The following DCP2 variants were observed in gnomAD, a reference collection of about 807,000 sequenced individuals.
The protein encoded by DCP2 is decapping mRNA 2.
In DCP2, 30 loss-of-function variants were observed where a neutral mutation model predicts 56.1. That is an observed-to-expected ratio of 0.53 (90% CI 0.40 to 0.73). The LOEUF (loss-of-function observed/expected upper bound fraction) is 0.73, where lower values mean the gene tolerates loss of function less well. Ranked by LOEUF, DCP2 falls within the 30% of genes least tolerant of loss-of-function variation. The pLI is 0.00. For synonymous variants in DCP2, 197 were observed against 163.3 expected, an observed-to-expected ratio of 1.21 and a Z score of -1.57; for missense variants, 533 against 502.7, an observed-to-expected ratio of 1.06 and a Z score of -0.58.
At chr5:112,978,717 A>G (rs1412876196) in intron 1 of DCP2, among the ~76,000 whole-genome samples, 3 of 151,528 alleles carry the variant, frequency 2.0e-5, no homozygotes, top group Non-Finnish European at 4.4e-5. Context: ...ACTGAATTTG[A>G]TATGTGTATG....
chr5:113,008,790 T>C (rs1408446092), intron 9 of DCP2, among the ~76,000 whole-genome samples: 1 of 152,182 alleles, frequency 6.6e-6, no homozygotes, highest in South Asian at 2.1e-4. Flanking sequence ...TCTTAGTAGA[T>C]GATTAAAAGG....
intron 2 of DCP2, among the ~76,000 whole-genome samples, chr5:112,987,907 G>C (rs954372459): frequency 1.3e-5 from 2 of 151,888 alleles, no homozygotes; most frequent in African/African-American, 2.4e-5. Context: ...GGGATTATAG[G>C]TGCTACCGCA....
chr5:113,011,627 C>G (rs941383427), intron 10 of DCP2, among the ~76,000 whole-genome samples: 2 of 152,134 alleles, frequency 1.3e-5, no homozygotes, highest in Non-Finnish European at 2.9e-5. Flanking sequence ...CAAGATAATG[C>G]TATTTTGAAA....
In DCP2 at chr5:113,009,567, C is replaced by CA. The variant is rs758269260; in HGVS notation, c.1048-1185dup. Among the ~76,000 whole-genome samples the CA allele has an allele frequency of 7.2e-5, 11 of 152,276 alleles. No homozygotes were observed. In the South Asian group the frequency reaches 1.0e-3, roughly 14 times the overall value. Reference sequence around the variant, plus strand: ...AGGACTTTGCTATATCAAAACCCTACAAAAGTGTTCACTTTTTCCCTAGAA... The same window carrying CA: ...AGGACTTTGCTATATCAAAACCCTACAAAAAGTGTTCACTTTTTCCCTAGAA... On this transcript the variant is annotated intron_variant, in intron 9 of 10. Coordinates refer to ENST00000389063, the MANE Select transcript of DCP2 (RefSeq NM_152624.6).
In DCP2 at chr5:113,018,523, G is replaced by T. The variant is rs973525528; in HGVS notation, c.*5039G>T. 5 of 152,250 alleles carry T rather than the reference G, an allele frequency of 3.3e-5. No homozygotes were observed. Among genetic ancestry groups the T allele is most frequent in the African/African-American group, 1.2e-4 (5 of 41,456 alleles). 9.4% of individuals were successfully genotyped at this position (152,250 alleles called of 1,614,324 possible). A position where few individuals can be genotyped will look rare whatever the true frequency, so the allele number is the denominator to read the frequency against. ...CTCTGAAGAGTGAATGCAGAAATCA[G>T]TTGGCTGTGTTTGTAATCTTGTCCC... On this transcript the variant is annotated 3_prime_UTR_variant, in exon 11 of 11. Coordinates refer to ENST00000389063, the MANE Select transcript of DCP2 (RefSeq NM_152624.6).
chr5:112,995,169 A>G (rs553071730), intron 4 of DCP2, among the ~76,000 whole-genome samples: 1 of 152,222 alleles, frequency 6.6e-6, no homozygotes, highest in African/African-American at 2.4e-5. Flanking sequence ...TGCCCAAGCT[A>G]TTATTTACAA....
At chr5:112,990,947 G>C (rs913443547) in intron 2 of DCP2, among the ~76,000 whole-genome samples, 1 of 151,882 alleles carries the variant, frequency 6.6e-6, no homozygotes, top group African/African-American at 2.4e-5. Context: ...CTTCTTTGAG[G>C]GTGTTTTGAG....
rs191308428 is a variant in DCP2 at position 112,992,366 on chromosome 5, G to A, written c.333+118G>A. The A allele has an allele frequency of 6.1e-6, 8 of 1,302,960 alleles. No individual in the cohort carries two copies. The East Asian group carries it at 1.7e-4, about 28-fold the overall frequency. The allele number at this position is 1,302,960 out of a possible 1,614,324, so 80.7% of individuals were successfully genotyped here. A position where few individuals can be genotyped will look rare whatever the true frequency, so the allele number is the denominator to read the frequency against. The stretch of plus-strand genomic sequence containing the variant: ...TTTAAAATATACTTAGATTTTTAGT[G>A]CTAAAAGGCCAAGCTTTGTATATTT... On this transcript the variant is annotated intron_variant, in intron 3 of 10. Coordinates refer to ENST00000389063, the MANE Select transcript of DCP2 (RefSeq NM_152624.6).
intron 7 of DCP2, among the ~76,000 whole-genome samples, chr5:113,002,790 T>A (rs575301259): frequency 9.2e-5 from 14 of 152,360 alleles, no homozygotes; most frequent in Admixed American, 1.3e-4. Flanking sequence ...CCCAAAGTTT[T>A]GAGATTACGG....
chr5:112,981,029 AT>A (rs35338836), intron 1 of DCP2, among the ~76,000 whole-genome samples: 2 of 149,700 alleles, frequency 1.3e-5, no homozygotes, highest in African/African-American at 4.9e-5. Context: ...TGACTTTATG[AT>A]TTTTTTTTTA....
intron 1 of DCP2, chr5:112,984,703 A>AAAAAAAAAAAATATATATATATATAT: frequency 1.5e-5 from 1 of 64,858 alleles, no homozygotes; most frequent in African/African-American, 7.9e-5. Context: ...AAAAAAAAAA[A>AAAAAAAAAAAATATATATATATATAT]ATATATATAT....
chr5:113,010,712 G>A, intron 9 of DCP2, 44 bp from the exon 10 acceptor site: 2 of 1,472,852 alleles, frequency 1.4e-6, no homozygotes, highest in Non-Finnish European at 1.8e-6. Context: ...ACTGGTGACT[G>A]TGTTGTATGT....
chr5:113,000,165 C>T (rs1315091290), intron 4 of DCP2, among the ~76,000 whole-genome samples: 1 of 151,976 alleles, frequency 6.6e-6, no homozygotes. Context: ...CCACTGTTGC[C>T]TAGAATGGTC....
In DCP2 at chr5:112,980,477, T is replaced by C. The variant is rs927688367; in HGVS notation, c.53+3491T>C. On this transcript the variant is annotated intron_variant, in intron 1 of 10. Coordinates refer to ENST00000389063, the MANE Select transcript of DCP2 (RefSeq NM_152624.6). ...CCTGTTTGTAGGAACACTGAGAAAA[T>C]AACATTTCGTGTGATGCAGTTTTTT... is the stretch of plus-strand genomic sequence containing the variant. 3.5e-4 allele frequency among the ~76,000 whole-genome samples: 53 copies of C among 152,226 alleles called. 1 individual carries two copies. Among genetic ancestry groups the C allele is most frequent in the African/African-American group, 1.1e-3 (45 of 41,452 alleles).
rs1375439819 is a variant in DCP2 at position 113,001,177 on chromosome 5, A to C, written c.526A>C (p.Ile176Leu). ...RINDQLARLY[I>L]IPGIPKDTKF... is the part of the protein sequence containing the mutation. ...CAATGACCAGCTTGCTCGTTTGTAC[A>C]TCATTCCAGGAATTCCAAAAGACAC... The change falls in exon 5 of 11, where the codon ATC (isoleucine) becomes CTC (leucine). Residue 176 changes from isoleucine to leucine, a missense_variant. By Grantham distance (5) the Ile-to-Leu change is conservative. Transcript: ENST00000389063. 3 of 1,613,986 alleles carry C rather than the reference A, an allele frequency of 1.9e-6. No homozygotes were observed. Among genetic ancestry groups the C allele is most frequent in the East Asian group, 2.2e-5 (1 of 44,856 alleles).
chr5:113,004,828 T>TAAAAATA (rs1311770491), intron 8 of DCP2, among the ~76,000 whole-genome samples: 1 of 151,966 alleles, frequency 6.6e-6, no homozygotes, highest in Non-Finnish European at 1.5e-5. Flanking sequence ...TTTTTTATTT[T>TAAAAATA]AAAAATATAC....
chr5:112,990,277 G>A (rs1010196495), intron 2 of DCP2, among the ~76,000 whole-genome samples: 3 of 152,134 alleles, frequency 2.0e-5, no homozygotes, highest in Admixed American at 6.5e-5. Flanking sequence ...TACTAGCTAT[G>A]TATCCTTGGG....
intron 7 of DCP2, among the ~76,000 whole-genome samples, chr5:113,003,322 A>G (rs1749267186): frequency 6.6e-6 from 1 of 152,158 alleles, no homozygotes. Context: ...TTGCTCATTC[A>G]TTATCTTGTG....
chr5:113,009,400 C>G lies in DCP2; in HGVS notation c.1048-1356C>G, dbSNP rs568918696. Among the ~76,000 whole-genome samples the G allele has an allele frequency of 3.9e-5, 6 of 152,252 alleles. 1 individual carries two copies. The highest frequency in any genetic ancestry group is 1.4e-4 in the African/African-American group (6 of 41,556). ...CTGATAAACATATCACAGTGTTAAA[C>G]TGTATATGTGGTCAAAGAATGTAAA... On this transcript the variant is annotated intron_variant, in intron 9 of 10. Transcript: ENST00000389063.
Sources: allele counts gnomAD v4.1 joint callset (sites outside exome capture counted in the v4.1 genomes callset), GRCh38; gene constraint gnomAD v4.1.1; transcripts MANE v1.5; gene names NCBI Gene and HGNC (gene_info 2026-07-23, HGNC 2026-07-21).